ATP13A5: variants seen among roughly 807,000 people sequenced by gnomAD.
ATP13A5 encodes probable cation-transporting ATPase 13A5.
In ATP13A5, 149 loss-of-function variants were observed where a neutral mutation model predicts 150.2. The observed-to-expected ratio is 0.99, with a 90% CI of 0.87 to 1.14. ATP13A5 has a LOEUF of 1.14. Among genes scored for constraint, ATP13A5 ranks in the 50% most tolerant of loss-of-function variants. The pLI is 0.00. For synonymous variants in ATP13A5, 497 were observed against 522.2 expected (o/e 0.95, Z 0.66); for missense variants, 1,383 against 1,449.3 (o/e 0.95, Z 0.74).
chr3:193,283,619 G>T (rs1300824133), intron 27 of ATP13A5, among the ~76,000 whole-genome samples: 1 of 151,962 alleles, frequency 6.6e-6, no homozygotes, highest in Non-Finnish European at 1.5e-5. Context: ...ATATTAAGAA[G>T]CACACCCTCT....
chr3:193,280,612 C>G (rs1225959303), intron 27 of ATP13A5, among the ~76,000 whole-genome samples: 13 of 152,150 alleles, frequency 8.5e-5, no homozygotes, highest in Admixed American at 7.9e-4. Flanking sequence ...ATTTTGGGAG[C>G]TAAACTTCCC....
At chr3:193,373,492 CAAT>C (rs1713525936) in intron 1 of ATP13A5, among the ~76,000 whole-genome samples, 1 of 151,752 alleles carries the variant, frequency 6.6e-6, no homozygotes, top group East Asian at 1.9e-4. Context: ...CTTGTTTTCT[CAAT>C]GATAGCCTCA....
At chr3:193,377,861 G>A (rs1713696867) in intron 1 of ATP13A5, among the ~76,000 whole-genome samples, 1 of 152,240 alleles carries the variant, frequency 6.6e-6, no homozygotes, top group South Asian at 2.1e-4. Flanking sequence ...AGCACAGGAT[G>A]TGGAGAAGGA....
intron 21 of ATP13A5, 175 bp from the exon 22 acceptor site, chr3:193,307,544 G>T: frequency 1.4e-6 from 1 of 722,298 alleles, no homozygotes; most frequent in East Asian, 2.7e-5. Context: ...AGAGGGAAAA[G>T]GCAGTTGCGT....
intron 1 of ATP13A5, among the ~76,000 whole-genome samples, chr3:193,367,954 C>T (rs1309516466): frequency 8.9e-6 from 1 of 112,772 alleles, no homozygotes; most frequent in Non-Finnish European, 1.7e-5. Flanking sequence ...CAGTGCAACG[C>T]AAGAAATAGA....
At chr3:193,279,306 C>T (rs1349883781) in intron 28 of ATP13A5, 60 bp downstream of exon 28, 3 of 1,300,374 alleles carry the variant, frequency 2.3e-6, no homozygotes, top group Non-Finnish European at 3.3e-6. Context: ...TTGTGAATTA[C>T]AATGAATACA....
intron 26 of ATP13A5, 52 bp from the exon 27 acceptor site, chr3:193,285,168 T>C (rs746488722): frequency 6.8e-7 from 1 of 1,474,232 alleles, no homozygotes; most frequent in East Asian, 2.3e-5. Flanking sequence ...TTTTTGTCCA[T>C]TAGGTGAAAA....
intron 29 of ATP13A5, 52 bp downstream of exon 29, chr3:193,276,698 T>G: frequency 4.9e-5 from 65 of 1,322,642 alleles, no homozygotes; most frequent in Non-Finnish European, 6.0e-5. Context: ...CTGCTGAAAA[T>G]GAGATCCTTA....
At chr3:193,354,255 A>T in intron 5 of ATP13A5, 59 bp from the exon 6 acceptor site, 1 of 1,448,624 alleles carries the variant, frequency 6.9e-7, no homozygotes, top group Non-Finnish European at 9.5e-7. Flanking sequence ...AAGTGACTAC[A>T]GGCCAAACTA....
At chr3:193,374,645 A>ACATG (rs1553824617) in intron 1 of ATP13A5, among the ~76,000 whole-genome samples, 1 of 103,748 alleles carries the variant, frequency 9.6e-6, no homozygotes, top group Admixed American at 1.0e-4. Flanking sequence ...ACCATGACAC[A>ACATG]CACACACACA....
In ATP13A5 at chr3:193,285,568, G is replaced by A. The variant is rs116538506; in HGVS notation, c.3024-452C>T. 4.9e-3 allele frequency among the ~76,000 whole-genome samples: 749 copies of A among 152,128 alleles called. 7 individuals carry two copies. Among genetic ancestry groups the A allele is most frequent in the African/African-American group, 0.017 (711 of 41,496 alleles). Reference sequence around the variant, plus strand: ...AGTCTGCTGCTTATAAGGGGTCTACGGCTCTATTTTGCTGATAAATTAAGC... The same window carrying A: ...AGTCTGCTGCTTATAAGGGGTCTACAGCTCTATTTTGCTGATAAATTAAGC... On this transcript the variant is annotated intron_variant, in intron 26 of 29. Transcript: ENST00000342358.
Position 193,306,344 on chromosome 3 carries a change from G to A in ATP13A5, c.2569-676C>T, listed in dbSNP as rs575199452. Among the ~76,000 whole-genome samples, 8 of 152,140 alleles carry A rather than the reference G, an allele frequency of 5.3e-5. No homozygotes were observed. The East Asian group carries it at 1.5e-3, about 29-fold the overall frequency. Reference sequence around the variant, plus strand: ...CAGACAATGAACTCTTTAGGAGGCAGAGACTATGTCCCTTTTTGCATTTGA... The same window carrying A: ...CAGACAATGAACTCTTTAGGAGGCAAAGACTATGTCCCTTTTTGCATTTGA... On this transcript the variant is annotated intron_variant, in intron 22 of 29. Coordinates refer to ENST00000342358, the MANE Select transcript of ATP13A5 (RefSeq NM_198505.4).
At chr3:193,363,198 G>A (rs765770047) in intron 3 of ATP13A5, 38 bp downstream of exon 3, 1 of 1,570,776 alleles carries the variant, frequency 6.4e-7, no homozygotes, top group Non-Finnish European at 8.6e-7. Context: ...TGCTTTCTCT[G>A]TAAACATGCA....
chr3:193,354,444 A>C (rs1343622775), intron 5 of ATP13A5, among the ~76,000 whole-genome samples: 1 of 152,196 alleles, frequency 6.6e-6, no homozygotes. Flanking sequence ...TCAAAAAAAA[A>C]GTTGGAAAGA....
At chr3:193,354,731 T>C (rs1291180739) in intron 5 of ATP13A5, among the ~76,000 whole-genome samples, 1 of 151,654 alleles carries the variant, frequency 6.6e-6, no homozygotes, top group Non-Finnish European at 1.5e-5. Context: ...GTGTATATTA[T>C]ACACAAGGTG....
chr3:193,311,965 C>G, intron 19 of ATP13A5, 24 bp from the exon 20 acceptor site: 1 of 1,612,292 alleles, frequency 6.2e-7, no homozygotes, highest in Non-Finnish European at 8.5e-7. Flanking sequence ...GGCATCATTT[C>G]TACATTGACT....
chr3:193,342,240 A>G (rs1277587435), intron 9 of ATP13A5, among the ~76,000 whole-genome samples: 1 of 152,232 alleles, frequency 6.6e-6, no homozygotes, highest in Admixed American at 6.5e-5. Context: ...GCAAAGGACC[A>G]TTTCGTACAT....
At chr3:193,280,126 C>T (rs950142964) in intron 27 of ATP13A5, among the ~76,000 whole-genome samples, 1 of 152,050 alleles carries the variant, frequency 6.6e-6, no homozygotes, top group African/African-American at 2.4e-5. Flanking sequence ...TCTTGGCTCA[C>T]TGCAACCTCC....
intron 7 of ATP13A5, among the ~76,000 whole-genome samples, chr3:193,348,587 G>C (rs1039780645): frequency 6.6e-6 from 1 of 152,190 alleles, no homozygotes; most frequent in African/African-American, 2.4e-5. Flanking sequence ...CTTAGGAAAG[G>C]TAAGCTTTCT....
Sources: allele counts gnomAD v4.1 joint callset (sites outside exome capture counted in the v4.1 genomes callset), GRCh38; gene constraint gnomAD v4.1.1; transcripts MANE v1.5; gene names NCBI Gene and HGNC (gene_info 2026-07-23, HGNC 2026-07-21).